Variants in PIKFYVE observed in about 807,000 individuals in gnomAD.
PIKFYVE encodes 1-phosphatidylinositol 3-phosphate 5-kinase.
A neutral mutation model predicts 257.9 loss-of-function variants in PIKFYVE; 122 were observed. That is an observed-to-expected ratio of 0.47 (90% CI 0.41 to 0.55). The LOEUF is 0.55. PIKFYVE is among the 20% of genes least tolerant of loss of function. The pLI, the probability that PIKFYVE is intolerant of heterozygous loss-of-function variation, is 0.00. For synonymous variants in PIKFYVE, 892 were observed against 868.9 expected (o/e 1.03, Z -0.47); for missense variants, 2,160 against 2,536.6 (o/e 0.85, Z 3.19).
chr2:208,269,513 C>T (rs994853050), intron 1 of PIKFYVE: 2 of 269,176 alleles, frequency 7.4e-6, no homozygotes, highest in Non-Finnish European at 1.5e-5. Flanking sequence ...ACATGAAGCC[C>T]CTCCAGGTAG....
At chr2:208,274,176 C>T in intron 3 of PIKFYVE, 1 of 1,050,278 alleles carries the variant, frequency 9.5e-7, no homozygotes, top group South Asian at 1.4e-5. Context: ...TTGCTCTTGG[C>T]CTTCTGTCCT....
In PIKFYVE at chr2:208,353,844, C is replaced by T. The variant is rs1699990008; in HGVS notation, c.5845-54C>T. 32 of 1,599,176 alleles carry T rather than the reference C, an allele frequency of 2.0e-5. No individual in the cohort carries two copies. The South Asian group carries it at 3.1e-4, about 15-fold the overall frequency. On this transcript the variant is annotated intron_variant, in intron 39 of 41. Coordinates refer to ENST00000264380, the MANE Select transcript of PIKFYVE (RefSeq NM_015040.4). ...TGCCTTTTTTATTTACTTACATTAA[C>T]TAATCATTTGTGGCAACCTGTACAT...
intron 36 of PIKFYVE, 136 bp from the exon 37 acceptor site, chr2:208,350,635 T>C (rs1699689522): frequency 2.3e-6 from 2 of 878,618 alleles, no homozygotes; most frequent in Non-Finnish European, 3.6e-6. Context: ...AATAGGGATT[T>C]GGATCTAACA....
Position 208,300,322 on chromosome 2 carries a change from C to T in PIKFYVE, c.1051-615C>T, listed in dbSNP as rs751757711. ...AGAAAGATACAGAGGTAAGAATAAG[C>T]ATGACATTTTCCATGGCCAGAAGTA... On this transcript the variant is annotated intron_variant, in intron 8 of 41. Transcript: ENST00000264380. Among the ~76,000 whole-genome samples the T allele has an allele frequency of 2.0e-4, 30 of 152,092 alleles. 1 individual carries two copies. Among genetic ancestry groups the T allele is most frequent in the Non-Finnish European group, 8.8e-5 (6 of 68,028 alleles).
In PIKFYVE at chr2:208,309,818, A is replaced by C. The variant is rs188937819; in HGVS notation, c.1637-2418A>C. On this transcript the variant is annotated intron_variant, in intron 12 of 41. Transcript: ENST00000264380. ...CTGCATTGGGTGATGCGTTATATAG[A>C]CTTGGGGACTTCTAAGTTTTCTTTT... Among the ~76,000 whole-genome samples, 91 of 152,264 alleles carry C rather than the reference A, an allele frequency of 6.0e-4. No individual in the cohort carries two copies. The East Asian group carries it at 0.012, about 20-fold the overall frequency.
At chr2:208,320,227 TTAAC>T in intron 16 of PIKFYVE, 21 bp from the exon 17 acceptor site, 1 of 1,607,454 alleles carries the variant, frequency 6.2e-7, no homozygotes, top group Non-Finnish European at 8.5e-7. Context: ...TTTAAACACT[TTAAC>T]AAACTGTTCA....
rs375366485 is a variant in PIKFYVE, at chr2:208,349,019, C to T, written c.5374+996C>T. Among the ~76,000 whole-genome samples, 7 of 152,004 alleles carry T rather than the reference C, an allele frequency of 4.6e-5. No homozygotes were observed. The South Asian group carries it at 6.2e-4, about 14-fold the overall frequency. On this transcript the variant is annotated intron_variant, in intron 35 of 41. Coordinates refer to ENST00000264380, the MANE Select transcript of PIKFYVE (RefSeq NM_015040.4). ...CTCTACTGAAAATAAAAAAATTAGC[C>T]GGGCCTGGTGGCGCATGCCTGTAAT...
intron 15 of PIKFYVE, 91 bp downstream of exon 15, chr2:208,315,464 T>A: frequency 6.8e-7 from 1 of 1,468,186 alleles, no homozygotes; most frequent in South Asian, 1.2e-5. Flanking sequence ...AAAAGAGTCA[T>A]TACCCTGAGG....
At chr2:208,273,480 G>T (rs1054057117) in intron 2 of PIKFYVE, 104 bp from the exon 3 acceptor site, 7 of 1,350,754 alleles carry the variant, frequency 5.2e-6, no homozygotes, top group Non-Finnish European at 7.3e-6. Context: ...TTTTAGTTAC[G>T]CATATAATAC....
intron 1 of PIKFYVE, among the ~76,000 whole-genome samples, chr2:208,271,301 G>T (rs1450898676): frequency 6.6e-6 from 1 of 152,158 alleles, no homozygotes; most frequent in East Asian, 1.9e-4. Flanking sequence ...TTGGCTATCA[G>T]ATCATAGTTG....
At chr2:208,295,882 T>A (rs1692909801) in intron 7 of PIKFYVE, among the ~76,000 whole-genome samples, 1 of 152,206 alleles carries the variant, frequency 6.6e-6, no homozygotes, top group South Asian at 2.1e-4. Context: ...TGAAATGCAA[T>A]GTTATTATGT....
Position 208,302,334 on chromosome 2 carries a change from C to T in PIKFYVE, c.1301C>T (p.Ala434Val), listed in dbSNP as rs945170899. 7.4e-6 allele frequency: 12 copies of T among 1,613,614 alleles called. No individual in the cohort carries two copies. The highest frequency in any genetic ancestry group is 2.2e-5 in the East Asian group (1 of 44,862). Residue 434 changes from alanine to valine, a missense_variant, in exon 10 of 42, where the codon GCG becomes GTG. Ala to Val is a moderately conservative substitution (Grantham distance 64). Around this residue, in one of 12 missense-constraint regions of PIKFYVE, gnomAD observed 90 missense variants for 110.6 expected, o/e 0.81. Coordinates refer to ENST00000264380, the MANE Select transcript of PIKFYVE (RefSeq NM_015040.4). ...HHDQLFRDEY[A>V]LYRPLQSTEF... is the part of the protein sequence containing the mutation. ...GACCAGCTTTTCAGAGATGAGTATG[C>T]GCTGTATAGACCACTGCAGGTACTT...
chr2:208,288,630 A>T, intron 6 of PIKFYVE, 99 bp from the exon 7 acceptor site: 12 of 1,529,402 alleles, frequency 7.8e-6, no homozygotes, highest in Non-Finnish European at 1.1e-5. Flanking sequence ...TCATTATTGC[A>T]AGGAAAAAGA....
chr2:208,312,128 T>G, intron 12 of PIKFYVE, 108 bp from the exon 13 acceptor site: 1 of 833,836 alleles, frequency 1.2e-6, no homozygotes, highest in African/African-American at 1.7e-5. Flanking sequence ...GGGTTTAGTA[T>G]GAGTAATATT....
At chr2:208,271,457 A>G (rs1309160182) in intron 1 of PIKFYVE, 54 bp from the exon 2 acceptor site, 4 of 1,550,450 alleles carry the variant, frequency 2.6e-6, no homozygotes, top group Non-Finnish European at 3.6e-6. Context: ...TTTGGAATCA[A>G]CTTTTGAGCT....
intron 13 of PIKFYVE, among the ~76,000 whole-genome samples, chr2:208,312,529 T>G (rs1426364901): frequency 6.6e-6 from 1 of 152,186 alleles, no homozygotes; most frequent in Non-Finnish European, 1.5e-5. Flanking sequence ...AAGTAATTGT[T>G]TAAAAACTTT....
chr2:208,339,331 G>A (rs774591988), intron 29 of PIKFYVE, 87 bp from the exon 30 acceptor site: 211 of 1,455,054 alleles, frequency 1.5e-4, no homozygotes, highest in Non-Finnish European at 2.0e-4. Context: ...TTAGGAAGTA[G>A]GCATATGAAT....
chr2:208,327,349 T>A (rs1255756060), intron 20 of PIKFYVE, among the ~76,000 whole-genome samples: 2 of 152,178 alleles, frequency 1.3e-5, no homozygotes, highest in East Asian at 3.8e-4. Flanking sequence ...CTTTTTATAA[T>A]CTATCCTGCA....
chr2:208,328,373 G>A, intron 21 of PIKFYVE, 93 bp downstream of exon 21: 1 of 1,463,014 alleles, frequency 6.8e-7, no homozygotes, highest in Non-Finnish European at 9.5e-7. Flanking sequence ...ATTAGGACCT[G>A]TATTTAGGTA....
Sources: gnomAD v4.1 joint callset for allele counts (sites outside exome capture counted in the v4.1 genomes callset) on GRCh38, gnomAD v4.1.1 for gene constraint, gnomAD v4.1.1 regional missense constraint, MANE v1.5 for transcripts, NCBI Gene and HGNC (gene_info 2026-07-23, HGNC 2026-07-21) for gene names.